FBLN5: variants seen among roughly 807,000 people sequenced by gnomAD.
FBLN5 encodes fibulin 5.
Under a neutral mutation model 61.6 loss-of-function variants are expected in FBLN5, and 24 were observed. That is an observed-to-expected ratio of 0.39 (90% CI 0.28 to 0.55). FBLN5 has a LOEUF of 0.55. FBLN5 is among the 20% of genes least tolerant of loss of function. FBLN5 has a pLI of 0.65. For synonymous variants in FBLN5, 213 were observed against 219.8 expected (o/e 0.97, Z 0.27); for missense variants, 470 against 594.1 (o/e 0.79, Z 2.17).
chr14:91,943,013 G>C lies in FBLN5; in HGVS notation c.18-52C>G. 2 of 1,255,206 alleles carry C rather than the reference G, an allele frequency of 1.6e-6. No homozygotes were observed. The highest frequency in any genetic ancestry group is 2.0e-5 in the Admixed American group (1 of 50,808). The allele number at this position is 1,255,206 out of a possible 1,614,324, so 77.8% of individuals were successfully genotyped here. On this transcript the variant is annotated intron_variant, in intron 1 of 10. Transcript: ENST00000342058. This position sits in a 1 kb window ranked among gnomAD's most constrained non-coding sequence, Gnocchi z 4.0. ...ATGCCCAAGACAGATTCAGGTCTAG[G>C]GGAGTGTGGGTCGCATGCGGCCCGT...
intron 4 of FBLN5, among the ~76,000 whole-genome samples, chr14:91,909,168 C>T (rs979026814): frequency 3.9e-5 from 6 of 152,100 alleles, no homozygotes; most frequent in Admixed American, 1.3e-4. Flanking sequence ...CCGCCTGCCT[C>T]GGCCTCCCAA....
At chr14:91,875,845 C>G (rs1429896639) in intron 10 of FBLN5, among the ~76,000 whole-genome samples, 1 of 152,162 alleles carries the variant, frequency 6.6e-6, no homozygotes, top group Non-Finnish European at 1.5e-5. Context: ...TAAACTAGTA[C>G]AGACTTTTGA....
intron 4 of FBLN5, among the ~76,000 whole-genome samples, chr14:91,896,548 T>C (rs1890234467): frequency 6.6e-6 from 1 of 152,148 alleles, no homozygotes; most frequent in Non-Finnish European, 1.5e-5. Flanking sequence ...TACTCTCACA[T>C]CACCCTGTGA....
At chr14:91,872,308 C>G (rs1321642508) in intron 10 of FBLN5, among the ~76,000 whole-genome samples, 1 of 152,176 alleles carries the variant, frequency 6.6e-6, no homozygotes, top group African/African-American at 2.4e-5. Flanking sequence ...TTCACTTCTT[C>G]CTAGCACCCA....
At chr14:91,931,904 C>G (rs1166703271) in intron 4 of FBLN5, among the ~76,000 whole-genome samples, 2 of 152,214 alleles carry the variant, frequency 1.3e-5, no homozygotes, top group Non-Finnish European at 2.9e-5. Flanking sequence ...GGCACCAGCT[C>G]ACCCCACCCC....
intron 3 of FBLN5, chr14:91,939,870 C>T: frequency 2.3e-6 from 1 of 436,732 alleles, no homozygotes; most frequent in Non-Finnish European, 4.5e-6. Flanking sequence ...GGAGGTTATC[C>T]TGGATTTTCT....
intron 4 of FBLN5, among the ~76,000 whole-genome samples, chr14:91,917,655 C>T (rs2249954): frequency 0.91 from 137,237 of 150,578 alleles, 62,722 homozygotes; most frequent in Non-Finnish European, 0.95. Flanking sequence ...TTTGCTTAAG[C>T]TACTTGGAGC....
intron 4 of FBLN5, among the ~76,000 whole-genome samples, chr14:91,931,152 G>C (rs2055916232): frequency 6.6e-6 from 1 of 152,176 alleles, no homozygotes; most frequent in African/African-American, 2.4e-5. Flanking sequence ...CCAAACCAAG[G>C]TGAGACTCAA....
intron 7 of FBLN5, among the ~76,000 whole-genome samples, chr14:91,886,533 T>C (rs1388415741): frequency 6.6e-6 from 1 of 152,238 alleles, no homozygotes; most frequent in Non-Finnish European, 1.5e-5. Flanking sequence ...GAAAATCTTA[T>C]TTCCTTGGGC....
At position 91,881,120 on chromosome 14, in the gene FBLN5, TAC is replaced by T. The variant is rs200128392; in HGVS notation, c.989+170_989+171del. Among the ~76,000 whole-genome samples the T allele has an allele frequency of 0.036, 2,191 of 61,510 alleles. 44 individuals carry two copies. The highest frequency in any genetic ancestry group is 0.12 in the African/African-American group (1,745 of 14,042). The allele number at this position is 61,510 out of a possible 152,430, so 40.4% of individuals were successfully genotyped here. A position where few individuals can be genotyped will look rare whatever the true frequency, so the allele number is the denominator to read the frequency against. ...CTATCTATTCTACTCTGTTCTATTC[TAC>T]ACACACACACACACACACACACACA... On this transcript the variant is annotated intron_variant, in intron 9 of 10. Coordinates refer to ENST00000342058, the MANE Select transcript of FBLN5 (RefSeq NM_006329.4).
intron 4 of FBLN5, among the ~76,000 whole-genome samples, chr14:91,915,686 CAAAAAAA>C (rs34675184): frequency 1.8e-4 from 8 of 43,742 alleles, no homozygotes; most frequent in Admixed American, 7.2e-4. Context: ...GACTCCATCT[CAAAAAAA>C]AAAAAAAAAA....
At chr14:91,926,894 G>A (rs116776037) in intron 4 of FBLN5, among the ~76,000 whole-genome samples, 420 of 152,248 alleles carry the variant, frequency 2.8e-3, no homozygotes, top group African/African-American at 9.8e-3. Flanking sequence ...CGGAAGATAA[G>A]CATCATTGTC....
At chr14:91,886,649 G>A (rs139839789) in intron 7 of FBLN5, among the ~76,000 whole-genome samples, 1 of 151,978 alleles carries the variant, frequency 6.6e-6, no homozygotes, top group East Asian at 1.9e-4. Context: ...CCATTGATTC[G>A]AGAACTATTT....
chr14:91,895,295 C>A (rs553543702), intron 4 of FBLN5, among the ~76,000 whole-genome samples: 1 of 152,318 alleles, frequency 6.6e-6, no homozygotes, highest in Admixed American at 6.5e-5. Flanking sequence ...AGGGAAATGG[C>A]CAAGAAGGGA....
At chr14:91,881,131 A>C (rs1412950539) in intron 9 of FBLN5, among the ~76,000 whole-genome samples, 161 bp downstream of exon 9, 13 of 117,442 alleles carry the variant, frequency 1.1e-4, no homozygotes, top group African/African-American at 3.3e-4. Flanking sequence ...ACACACACAC[A>C]CACACACACA....
chr14:91,904,310 C>A (rs1308822516), intron 4 of FBLN5, among the ~76,000 whole-genome samples: 1 of 152,190 alleles, frequency 6.6e-6, no homozygotes, highest in Non-Finnish European at 1.5e-5. Flanking sequence ...TCGGAAGAGA[C>A]AAGTCCACCA....
intron 5 of FBLN5, among the ~76,000 whole-genome samples, chr14:91,892,780 T>A (rs964563198): frequency 6.6e-6 from 1 of 152,224 alleles, no homozygotes; most frequent in East Asian, 1.9e-4. Flanking sequence ...AAAAGCAGCA[T>A]CTTCAGTGGT....
At chr14:91,937,296 G>A in intron 3 of FBLN5, 95 bp from the exon 4 acceptor site, 1 of 1,536,638 alleles carries the variant, frequency 6.5e-7, no homozygotes. Flanking sequence ...CGTGGAGGAA[G>A]CACTCCCAAA....
chr14:91,911,001 T>TA (rs397767974), intron 4 of FBLN5, among the ~76,000 whole-genome samples: 4 of 151,520 alleles, frequency 2.6e-5, no homozygotes, highest in Admixed American at 2.6e-4. Context: ...TTTTTTTTTT[T>TA]AATACAGAGT....
Sources: gnomAD v4.1 joint callset for allele counts (sites outside exome capture counted in the v4.1 genomes callset) on GRCh38, gnomAD v4.1.1 for gene constraint, Gnocchi (gnomAD v3.1) non-coding constraint, MANE v1.5 for transcripts, NCBI Gene and HGNC (gene_info 2026-07-23, HGNC 2026-07-21) for gene names.